Variants in PER2 observed in about 807,000 individuals in gnomAD.
The protein encoded by PER2 is period circadian regulator 2.
Under a neutral mutation model 121.0 loss-of-function variants are expected in PER2, and 66 were observed. The ratio of observed to expected loss-of-function variants is 0.55; its 90% CI spans 0.45 to 0.67. The LOEUF is 0.67. Ranked by LOEUF, PER2 falls within the 30% of genes least tolerant of loss-of-function variation. The pLI is 0.00. For missense variants in PER2, 1,521 were observed against 1,635.0 expected, an observed-to-expected ratio of 0.93 and a Z score of 1.20; for synonymous variants, 684 against 659.9, an observed-to-expected ratio of 1.04 and a Z score of -0.56.
intron 14 of PER2, 118 bp from the exon 15 acceptor site, chr2:238,258,762 T>A: frequency 9.7e-7 from 1 of 1,031,050 alleles, no homozygotes; most frequent in Non-Finnish European, 1.5e-6. Context: ...ATCTGCTTCA[T>A]GAGTATGGAA....
At position 238,269,967 on chromosome 2, in the gene PER2, C is replaced by T. The variant is rs377148694; in HGVS notation, c.773-993G>A. Among the ~76,000 whole-genome samples the T allele has an allele frequency of 1.1e-4, 16 of 152,366 alleles. No homozygotes were observed. The East Asian group carries it at 1.9e-3, about 18-fold the overall frequency. On this transcript the variant is annotated intron_variant, in intron 6 of 22. Transcript: ENST00000254657. ...AATTCCTACTGGTTCCCTCTGAAGC[C>T]GGTGTGCCAGTCCCACAGAAGCCCT...
In PER2 at chr2:238,247,955, T is replaced by G. The variant is rs112210842; in HGVS notation, c.3618+1107A>C. ...GGTTCATGCCATGGAAGCATCCTCA[T>G]GGCTTGGACCTGTGTGGTGATGGGC... is the stretch of plus-strand genomic sequence containing the variant. On this transcript the variant is annotated intron_variant, in intron 22 of 22. Transcript: ENST00000254657. Among the ~76,000 whole-genome samples, 867 of 152,334 alleles carry G rather than the reference T, an allele frequency of 5.7e-3. 13 individuals carry two copies. Among genetic ancestry groups the G allele is most frequent in the African/African-American group, 0.02 (830 of 41,572 alleles).
At chr2:238,250,384 C>T (rs1227006071) in intron 21 of PER2, among the ~76,000 whole-genome samples, 167 bp downstream of exon 21, 5 of 152,254 alleles carry the variant, frequency 3.3e-5, no homozygotes, top group Admixed American at 6.5e-5. Context: ...CCTGTACTAG[C>T]CTGGCAGAAT....
chr2:238,288,702 C>G (rs573115259), upstream of PER2: 1 of 151,626 alleles, frequency 6.6e-6, no homozygotes, highest in East Asian at 1.9e-4. Context: ...GCGGCTCTGT[C>G]CGCCCGGCCC....
At position 238,268,879 on chromosome 2, in the gene PER2, T is replaced by C; in HGVS notation, c.824+44A>G. ...AGCGGAGCAGTGCTGGGGTGAAATG[T>C]TTATACGGTTTTCTAATTTAAGAAA... On this transcript the variant is annotated intron_variant, in intron 7 of 22. Transcript: ENST00000254657. The surrounding 1 kb of genome is among the most constrained non-coding windows in gnomAD (Gnocchi z 4.0). The C allele has an allele frequency of 6.9e-7, 1 of 1,452,300 alleles. No individual in the cohort carries two copies. The allele number at this position is 1,452,300 out of a possible 1,614,324, so 90.0% of individuals were successfully genotyped here.
Position 238,253,401 on chromosome 2 carries a change from G to A in PER2, c.2622C>T (p.Ala874=). The change falls in exon 19 of 23, where the codon GCC becomes GCT. Residue 874 remains alanine (A), a synonymous_variant. Coordinates refer to ENST00000254657, the MANE Select transcript of PER2 (RefSeq NM_022817.3). The surrounding 1 kb of genome is among the most constrained non-coding windows in gnomAD (Gnocchi z 5.6). ...CGGGCACAGCAGGCACTGTGAAGCT[G>A]GCGTGGGGAGGTGCCGGGGGTGCTG... ...TVAAPPAPPH[A]SFTVPAVPVD... 1 of 1,610,588 alleles carries A rather than the reference G, an allele frequency of 6.2e-7. No homozygotes were observed. The highest frequency in any genetic ancestry group is 8.5e-7 in the Non-Finnish European group (1 of 1,177,578).
At chr2:238,288,777 GAGT>G (rs1696875006), upstream of PER2, among the ~76,000 whole-genome samples, 1 of 151,506 alleles carries the variant, frequency 6.6e-6, no homozygotes, top group Admixed American at 6.6e-5. Context: ...CGCCGCGGCC[GAGT>G]CGCCGCTGTC....
At chr2:238,271,216 G>C in intron 6 of PER2, 96 bp downstream of exon 6, 1 of 1,079,632 alleles carries the variant, frequency 9.3e-7, no homozygotes, top group East Asian at 2.4e-5. Context: ...GCTCTGAAAG[G>C]TGAGGCAGGG....
chr2:238,249,710 G>A (rs1695547417), intron 21 of PER2, among the ~76,000 whole-genome samples: 1 of 152,220 alleles, frequency 6.6e-6, no homozygotes, highest in African/African-American at 2.4e-5. Context: ...ACCTGGTGAG[G>A]GGGGACTGGA....
intron 2 of PER2, 88 bp from the exon 3 acceptor site, chr2:238,277,281 T>G (rs2304673): frequency 0.12 from 109,216 of 882,020 alleles, 7,576 homozygotes; most frequent in Admixed American, 0.19. Context: ...GATAACAGGC[T>G]AGATAATACC....
upstream of PER2, among the ~76,000 whole-genome samples, chr2:238,288,852 A>G (rs1372139703): frequency 6.6e-6 from 1 of 151,406 alleles, no homozygotes; most frequent in African/African-American, 2.4e-5. Flanking sequence ...ATTGGCCGCG[A>G]CTCCGTCTCA....
At chr2:238,291,468 T>C (rs1210923212), upstream of PER2, among the ~76,000 whole-genome samples, 2 of 152,214 alleles carry the variant, frequency 1.3e-5, no homozygotes, top group African/African-American at 4.8e-5. Context: ...CTTCCTCTCA[T>C]TGTAGGTGGC....
At chr2:238,280,486 C>T (rs1184689743) in intron 1 of PER2, among the ~76,000 whole-genome samples, 1 of 152,218 alleles carries the variant, frequency 6.6e-6, no homozygotes, top group African/African-American at 2.4e-5. Context: ...ATCTACTTTT[C>T]ATCCTAAGAA....
In PER2 at chr2:238,277,149, G is replaced by T; in HGVS notation, c.275C>A (p.Pro92Gln). The T allele has an allele frequency of 1.2e-6, 2 of 1,612,406 alleles. No homozygotes were observed. Among genetic ancestry groups the T allele is most frequent in the Non-Finnish European group, 1.7e-6 (2 of 1,178,446 alleles). ...GCCTTACCTGCAGCCACTTGTAGAT[G>T]GGTTGTGTTCAGATTTTGCCATCAT... ...SLMMAKSEHN[P>Q]STSGCSSDQS... Residue 92 changes from proline to glutamine, a missense_variant, in exon 3 of 23, where the codon CCA becomes CAA. Transcript: ENST00000254657.
intron 1 of PER2, among the ~76,000 whole-genome samples, chr2:238,288,124 C>A (rs1369661460): frequency 1.3e-5 from 2 of 152,168 alleles, no homozygotes; most frequent in Non-Finnish European, 2.9e-5. Flanking sequence ...TAGATCAGCG[C>A]CCCTCCATGG....
intron 13 of PER2, 130 bp downstream of exon 13, chr2:238,260,698 A>T: frequency 9.9e-7 from 1 of 1,008,888 alleles, no homozygotes; most frequent in Non-Finnish European, 1.5e-6. Context: ...GACAAAGTTT[A>T]GAAAGGAAGC....
At chr2:238,261,533 GGA>G in intron 12 of PER2, 194 bp downstream of exon 12, 1 of 627,260 alleles carries the variant, frequency 1.6e-6, no homozygotes, top group Non-Finnish European at 2.9e-6. Context: ...ATGCAAGGCT[GGA>G]GAGAGCCAAG....
At position 238,268,592 on chromosome 2, in the gene PER2, G is replaced by A. The variant is rs2106314248; in HGVS notation, c.824+331C>T. On this transcript the variant is annotated intron_variant, in intron 7 of 22. Coordinates refer to ENST00000254657, the MANE Select transcript of PER2 (RefSeq NM_022817.3). The surrounding 1 kb of genome is among the most constrained non-coding windows in gnomAD (Gnocchi z 4.0). ...TTGGACCAAGACCCTTGTCGGGAAAGCTACGGGTCTCTCCCCAGAAAAACG... is the reference window on the plus strand; with the variant it reads ...TTGGACCAAGACCCTTGTCGGGAAAACTACGGGTCTCTCCCCAGAAAAACG... Among the ~76,000 whole-genome samples, 1 of 152,344 alleles carries A rather than the reference G, an allele frequency of 6.6e-6. No homozygotes were observed. The highest frequency in any genetic ancestry group is 2.1e-4 in the South Asian group (1 of 4,828).
chr2:238,275,621 A>G (rs975838042), intron 4 of PER2, 122 bp downstream of exon 4: 6 of 1,094,498 alleles, frequency 5.5e-6, no homozygotes, highest in Non-Finnish European at 8.4e-6. Flanking sequence ...CCCAGAAGTC[A>G]AGGCTGCAGT....
Sources: gnomAD v4.1 joint callset for allele counts (sites outside exome capture counted in the v4.1 genomes callset) on GRCh38, gnomAD v4.1.1 for gene constraint, Gnocchi (gnomAD v3.1) non-coding constraint, MANE v1.5 for transcripts, NCBI Gene and HGNC (gene_info 2026-07-23, HGNC 2026-07-21) for gene names.